Variants in MFSD2A observed in about 807,000 individuals in gnomAD.
MFSD2A encodes the protein MFSD2 lysolipid transporter A, lysophospholipid, also known as sodium-dependent lysophosphatidylcholine symporter 1.
MFSD2A carries 27 observed loss-of-function variants against 64.7 expected under a neutral mutation model. The ratio of observed to expected loss-of-function variants is 0.42; its 90% CI spans 0.31 to 0.58. The LOEUF is 0.58. Ranked by LOEUF, MFSD2A falls within the 20% of genes least tolerant of loss-of-function variation. The pLI is 0.18. For missense variants in MFSD2A, 474 were observed against 679.5 expected, an observed-to-expected ratio of 0.70 and a Z score of 3.36; for synonymous variants, 258 against 273.4, an observed-to-expected ratio of 0.94 and a Z score of 0.55.
Position 39,965,576 on chromosome 1 carries a change from CACCCTCCAGGG to C in MFSD2A, c.556+37_556+47del, listed in dbSNP as rs1645142452. 50 of 1,609,782 alleles carry C rather than the reference CACCCTCCAGGG, an allele frequency of 3.1e-5. No individual in the cohort carries two copies. The highest frequency in any genetic ancestry group is 4.3e-5 in the Non-Finnish European group (50 of 1,176,236). On this transcript the variant is annotated intron_variant, in intron 5 of 13. Coordinates refer to ENST00000372811, the MANE Select transcript of MFSD2A (RefSeq NM_032793.5). The surrounding 1 kb of genome is among the most constrained non-coding windows in gnomAD (Gnocchi z 5.5). ...TGAGTCTCCCCAGCCCACCTGACCCCACCCTCCAGGGACCCTCCAGCCATACTTCTTCCCTT... is the reference window on the plus strand; with the variant it reads ...TGAGTCTCCCCAGCCCACCTGACCCCACCCTCCAGCCATACTTCTTCCCTT...
At chr1:39,956,793 G>A (rs1317697659) in intron 1 of MFSD2A, among the ~76,000 whole-genome samples, 3 of 151,898 alleles carry the variant, frequency 2.0e-5, no homozygotes, top group African/African-American at 7.3e-5. Flanking sequence ...GTGGGTGCCT[G>A]TAGTCCCAGC....
Position 39,955,158 on chromosome 1 carries a change from C to G in MFSD2A, c.-135C>G. ...GGGGCGTGCAGCAGAGTGCGTTCCTCGTCTGCCAGCCGGCTTGGCTAGCGC... is the reference window on the plus strand; with the variant it reads ...GGGGCGTGCAGCAGAGTGCGTTCCTGGTCTGCCAGCCGGCTTGGCTAGCGC... On this transcript the variant is annotated 5_prime_UTR_variant, in exon 1 of 14. Transcript: ENST00000372811. This position sits in a 1 kb window ranked among gnomAD's most constrained non-coding sequence, Gnocchi z 5.9. 1.7e-6 allele frequency: 1 copy of G among 605,872 alleles called. No homozygotes were observed. Among genetic ancestry groups the G allele is most frequent in the Non-Finnish European group, 2.5e-6 (1 of 403,754 alleles). 37.5% of individuals were successfully genotyped at this position (605,872 alleles called of 1,614,324 possible). A position where few individuals can be genotyped will look rare whatever the true frequency, so the allele number is the denominator to read the frequency against.
intron 6 of MFSD2A, 142 bp downstream of exon 6, chr1:39,966,156 AC>A: frequency 3.0e-6 from 3 of 985,626 alleles, no homozygotes; most frequent in Non-Finnish European, 4.4e-6. Flanking sequence ...CACCCAATAT[AC>A]CTACTTTGCA....
rs1399341781 is a variant in MFSD2A, at chr1:39,957,128, C to G, written c.135C>G (p.Asn45Lys). 2 of 1,613,958 alleles carry G rather than the reference C, an allele frequency of 1.2e-6. No homozygotes were observed. Among genetic ancestry groups the G allele is most frequent in the African/African-American group, 2.7e-5 (2 of 74,908 alleles). ...KKKKQQLSVC[N>K]KLCYALGGAP... ...AGAAACAACAGTTGTCTGTTTGCAA[C>G]AAGCTTTGCTATGCACTTGGGGGAG... Residue 45 changes from asparagine to lysine, a missense_variant, in exon 2 of 14, where the codon AAC (asparagine) becomes AAG (lysine). By Grantham distance (94) the Asn-to-Lys change is moderately conservative. Coordinates refer to ENST00000372811, the MANE Select transcript of MFSD2A (RefSeq NM_032793.5).
chr1:39,968,314 G>T lies in MFSD2A; in HGVS notation c.1209-20G>T. 6.2e-7 allele frequency: 1 copy of T among 1,614,014 alleles called. No homozygotes were observed. The highest frequency in any genetic ancestry group is 8.5e-7 in the Non-Finnish European group (1 of 1,179,990). On this transcript the variant is annotated intron_variant, in intron 11 of 13. Coordinates refer to ENST00000372811, the MANE Select transcript of MFSD2A (RefSeq NM_032793.5). This position sits in a 1 kb window ranked among gnomAD's most constrained non-coding sequence, Gnocchi z 4.4. Reference sequence around the variant, plus strand: ...CCCGTTAGGTGGGTCAGTCCTCATGGCTGTCACTACTCTGCGCAGGTCCAT... The same window carrying T: ...CCCGTTAGGTGGGTCAGTCCTCATGTCTGTCACTACTCTGCGCAGGTCCAT...
chr1:39,961,371 C>T (rs918167615), intron 3 of MFSD2A, among the ~76,000 whole-genome samples: 3 of 115,518 alleles, frequency 2.6e-5, no homozygotes, highest in African/African-American at 3.4e-5. Context: ...TTGTTTGAGA[C>T]AGAGTCTCGC....
chr1:39,960,292 C>T lies in MFSD2A; in HGVS notation c.353+1467C>T, dbSNP rs1645008720. 6.6e-6 allele frequency among the ~76,000 whole-genome samples: 1 copy of T among 152,208 alleles called. No individual in the cohort carries two copies. The highest frequency in any genetic ancestry group is 2.4e-5 in the African/African-American group (1 of 41,460). ...AGGCTTAAGTGGGCGCCTTCCTGCC[C>T]CAGGGGCGCCCATACCTGGCCTCCG... On this transcript the variant is annotated intron_variant, in intron 3 of 13. Transcript: ENST00000372811. This position sits in a 1 kb window ranked among gnomAD's most constrained non-coding sequence, Gnocchi z 4.8.
intron 3 of MFSD2A, chr1:39,962,936 C>T (rs533031584): frequency 6.4e-6 from 10 of 1,563,540 alleles, no homozygotes; most frequent in East Asian, 2.3e-5. Flanking sequence ...TTGTTGCTAT[C>T]GGAGACTACA....
rs1005475065 is a variant in MFSD2A at position 39,967,229 on chromosome 1, G to T, written c.1011+60G>T. ...GCTGAGGTGACATAGGCTGTGGAAT[G>T]GTTCTTGGAATAGGCAGAGGATGTT... is the stretch of plus-strand genomic sequence containing the variant. On this transcript the variant is annotated intron_variant, in intron 9 of 13. Transcript: ENST00000372811. 10 of 1,465,370 alleles carry T rather than the reference G, an allele frequency of 6.8e-6. No individual in the cohort carries two copies. The South Asian group carries it at 6.9e-5, about 10-fold the overall frequency. 90.8% of individuals were successfully genotyped at this position (1,465,370 alleles called of 1,614,324 possible).
rs979876243 is a variant in MFSD2A at position 39,960,082 on chromosome 1, C to T, written c.353+1257C>T. On this transcript the variant is annotated intron_variant, in intron 3 of 13. Transcript: ENST00000372811. This position sits in a 1 kb window ranked among gnomAD's most constrained non-coding sequence, Gnocchi z 4.8. ...CACCTTGGATGACGTAAATTACCTT[C>T]TCCCTTGGTACAAAGCCTGTGCTAC... is the stretch of plus-strand genomic sequence containing the variant. Among the ~76,000 whole-genome samples the T allele has an allele frequency of 1.2e-4, 18 of 152,378 alleles. No homozygotes were observed. The highest frequency in any genetic ancestry group is 4.3e-4 in the African/African-American group (18 of 41,596).
chr1:39,956,375 A>G (rs1046064661), intron 1 of MFSD2A, among the ~76,000 whole-genome samples: 2 of 152,304 alleles, frequency 1.3e-5, no homozygotes, highest in East Asian at 1.9e-4. Flanking sequence ...TAGAGCTCTC[A>G]CCAGGAGTAG....
rs1645022159 is a variant in MFSD2A, at chr1:39,960,795, T to A, written c.353+1970T>A. On this transcript the variant is annotated intron_variant, in intron 3 of 13. Transcript: ENST00000372811. This position sits in a 1 kb window ranked among gnomAD's most constrained non-coding sequence, Gnocchi z 4.8. ...GGCCTTCCCTGTGGCATGTAGGAAC[T>A]GAGCAACTTCCTGGGCAGGCGTGGC... is the stretch of plus-strand genomic sequence containing the variant. 1.3e-5 allele frequency among the ~76,000 whole-genome samples: 2 copies of A among 152,196 alleles called. No homozygotes were observed. The highest frequency in any genetic ancestry group is 6.5e-5 in the Admixed American group (1 of 15,286).
chr1:39,959,250 C>CTTTT (rs747125051), intron 3 of MFSD2A, among the ~76,000 whole-genome samples: 1 of 142,046 alleles, frequency 7.0e-6, no homozygotes. Context: ...ATCTTTCTTT[C>CTTTT]TTTTTTTTTT....
chr1:39,963,088 C>G lies in MFSD2A; in HGVS notation c.354-2123C>G. On this transcript the variant is annotated intron_variant, in intron 3 of 13. Coordinates refer to ENST00000372811, the MANE Select transcript of MFSD2A (RefSeq NM_032793.5). The surrounding 1 kb of genome is among the most constrained non-coding windows in gnomAD (Gnocchi z 4.2). ...AAGATCAGCAAGCCCCACACCGTCC[C>G]TTGCAAGGTGACAGGCCGCTGCGGC... 1 of 1,379,554 alleles carries G rather than the reference C, an allele frequency of 7.2e-7. No homozygotes were observed. Among genetic ancestry groups the G allele is most frequent in the Non-Finnish European group, 1.0e-6 (1 of 997,540 alleles). 85.5% of individuals were successfully genotyped at this position (1,379,554 alleles called of 1,614,324 possible). A position where few individuals can be genotyped will look rare whatever the true frequency, so the allele number is the denominator to read the frequency against.
chr1:39,962,923 C>T (rs190469275), intron 3 of MFSD2A: 34 of 1,572,778 alleles, frequency 2.2e-5, no homozygotes, highest in African/African-American at 4.0e-5. Flanking sequence ...AGGTTCAAGG[C>T]GTTTGTTGCT....
intron 3 of MFSD2A, among the ~76,000 whole-genome samples, chr1:39,959,420 T>C: frequency 6.6e-6 from 1 of 151,826 alleles, no homozygotes; most frequent in East Asian, 1.9e-4. Flanking sequence ...GCTAATCTTT[T>C]AAAATTATTA....
chr1:39,967,248 G>A (rs2124779259), intron 9 of MFSD2A, 79 bp downstream of exon 9: 2 of 1,330,892 alleles, frequency 1.5e-6, no homozygotes, highest in Non-Finnish European at 2.1e-6. Flanking sequence ...AATAGGCAGA[G>A]GATGTTTCTC....
In MFSD2A at chr1:39,965,208, C is replaced by T; in HGVS notation, c.354-3C>T. 1.2e-6 allele frequency: 2 copies of T among 1,614,096 alleles called. No individual in the cohort carries two copies. The highest frequency in any genetic ancestry group is 1.7e-6 in the Non-Finnish European group (2 of 1,180,028). ...CCTCCACTCACACCCTCCTCTTCCTCAGGATCATCTTCTCCACGCCCCTGG... is the reference window on the plus strand; with the variant it reads ...CCTCCACTCACACCCTCCTCTTCCTTAGGATCATCTTCTCCACGCCCCTGG... On this transcript the variant is annotated splice_polypyrimidine_tract_variant and splice_region_variant and intron_variant, in intron 3 of 13. Coordinates refer to ENST00000372811, the MANE Select transcript of MFSD2A (RefSeq NM_032793.5). This position sits in a 1 kb window ranked among gnomAD's most constrained non-coding sequence, Gnocchi z 5.5.
At chr1:39,967,535 C>A in intron 9 of MFSD2A, 93 bp from the exon 10 acceptor site, 1 of 1,158,172 alleles carries the variant, frequency 8.6e-7, no homozygotes, top group Non-Finnish European at 1.3e-6. Context: ...TGCTCTTGGG[C>A]AGGGCTGGGA....
Sources: gnomAD v4.1 joint callset for allele counts (sites outside exome capture counted in the v4.1 genomes callset) on GRCh38, gnomAD v4.1.1 for gene constraint, Gnocchi (gnomAD v3.1) non-coding constraint, MANE v1.5 for transcripts, NCBI Gene and HGNC (gene_info 2026-07-23, HGNC 2026-07-21) for gene names.